Variants in SCRG1 observed in about 807,000 individuals in gnomAD.
SCRG1 encodes the protein stimulator of chondrogenesis 1, also known as scrapie-responsive protein 1.
A neutral mutation model predicts 7.7 loss-of-function variants in SCRG1; 3 were observed. The ratio of observed to expected loss-of-function variants is 0.39; its 90% CI spans 0.18 to 1.01. The LOEUF is 1.01. SCRG1 is among the 50% of genes least tolerant of loss of function. The pLI, the probability that SCRG1 is intolerant of heterozygous loss-of-function variation, is 0.36. For missense variants in SCRG1, 110 were observed against 117.2 expected (o/e 0.94, Z 0.28); for synonymous variants, 46 against 41.2 (o/e 1.12, Z -0.44).
the SCRG1 span, among the ~76,000 whole-genome samples, chr4:173,443,384 G>A: frequency 1.3e-5 from 2 of 152,012 alleles, no homozygotes; most frequent in Admixed American, 6.5e-5. Context: ...GGGAAAACAG[G>A]GCCTGTAATA....
chr4:173,408,062 A>G (rs1157277271), upstream of SCRG1, among the ~76,000 whole-genome samples: 1 of 152,248 alleles, frequency 6.6e-6, no homozygotes, highest in East Asian at 1.9e-4. Flanking sequence ...ATGTGTATAC[A>G]TATCAGATAG....
the SCRG1 span, among the ~76,000 whole-genome samples, chr4:173,429,109 T>C: frequency 6.6e-6 from 1 of 152,120 alleles, no homozygotes; most frequent in Admixed American, 6.6e-5. Flanking sequence ...CAAAGAAAAA[T>C]AGAAAATGGA....
chr4:173,475,106 C>T, the SCRG1 span, among the ~76,000 whole-genome samples: 1 of 152,094 alleles, frequency 6.6e-6, no homozygotes, highest in African/African-American at 2.4e-5. Flanking sequence ...ACTATATCAT[C>T]TTCTGCTTAT....
chr4:173,482,183 G>A, the SCRG1 span, among the ~76,000 whole-genome samples: 1 of 152,268 alleles, frequency 6.6e-6, no homozygotes, highest in East Asian at 1.9e-4. Flanking sequence ...TATAAAACCT[G>A]AATGATATAG....
intron 2 of SCRG1, 75 bp downstream of exon 2, chr4:173,391,098 C>T: frequency 2.0e-6 from 3 of 1,502,034 alleles, no homozygotes; most frequent in South Asian, 2.3e-5. Context: ...TTCAGCAAAC[C>T]TATTATGAAG....
chr4:173,484,268 T>G, the SCRG1 span, among the ~76,000 whole-genome samples: 1 of 75,430 alleles, frequency 1.3e-5, no homozygotes, highest in East Asian at 4.0e-4. Flanking sequence ...TAATATATAT[T>G]TTATATATCA....
chr4:173,518,654 C>T, the SCRG1 span, among the ~76,000 whole-genome samples: 1 of 152,192 alleles, frequency 6.6e-6, no homozygotes, highest in African/African-American at 2.4e-5. Flanking sequence ...CCTGCTGCAT[C>T]TGGGACCCGC....
the SCRG1 span, among the ~76,000 whole-genome samples, chr4:173,497,727 G>C: frequency 7.0e-6 from 1 of 143,766 alleles, no homozygotes. Context: ...CTGGAGTGCA[G>C]TGGCACTGTG....
At chr4:173,491,199 TTC>T in the SCRG1 span, among the ~76,000 whole-genome samples, 1,370 of 145,898 alleles carry the variant, frequency 9.4e-3, 40 homozygotes, top group East Asian at 0.048. Flanking sequence ...TAATACAGAA[TTC>T]TCTCTCTCTC....
At chr4:173,484,537 T>TTA in the SCRG1 span, among the ~76,000 whole-genome samples, 1 of 83,092 alleles carries the variant, frequency 1.2e-5, no homozygotes, top group African/African-American at 4.9e-5. Flanking sequence ...ATATTATATA[T>TTA]TATGTATATT....
the SCRG1 span, among the ~76,000 whole-genome samples, chr4:173,431,274 G>C: frequency 6.6e-6 from 1 of 152,210 alleles, no homozygotes. Flanking sequence ...GAGCATGGGA[G>C]TGGGCAGGGC....
chr4:173,419,615 T>C, the SCRG1 span: 3 of 727,528 alleles, frequency 4.1e-6, no homozygotes, highest in East Asian at 4.9e-5. Context: ...TTTGGTACTG[T>C]GAGGGATAGA....
chr4:173,470,160 G>A, the SCRG1 span: 1 of 142,858 alleles, frequency 7.0e-6, no homozygotes, highest in Admixed American at 7.2e-5. Flanking sequence ...TGGTGGTCGG[G>A]ATGTGTTGTT....
the SCRG1 span, among the ~76,000 whole-genome samples, chr4:173,422,317 A>C: frequency 2.6e-5 from 4 of 152,228 alleles, no homozygotes; most frequent in Non-Finnish European, 4.4e-5. Context: ...AATATAACTT[A>C]TGATCATGAG....
chr4:173,434,708 G>A, the SCRG1 span, among the ~76,000 whole-genome samples: 16 of 152,276 alleles, frequency 1.1e-4, no homozygotes, highest in African/African-American at 3.6e-4. Flanking sequence ...GGTGACGCCT[G>A]TAATTCCAGC....
At chr4:173,433,775 G>A in the SCRG1 span, among the ~76,000 whole-genome samples, 5 of 152,138 alleles carry the variant, frequency 3.3e-5, no homozygotes, top group South Asian at 8.3e-4. Flanking sequence ...ACTCCAGCTA[G>A]TGCCTCTGTC....
chr4:173,408,916 C>G (rs1196800041), upstream of SCRG1, among the ~76,000 whole-genome samples: 3 of 150,486 alleles, frequency 2.0e-5, no homozygotes, highest in African/African-American at 7.4e-5. Flanking sequence ...TGGCGTGAAC[C>G]CGGAGGCAGA....
At chr4:173,504,623 AT>A in the SCRG1 span, among the ~76,000 whole-genome samples, 1 of 152,150 alleles carries the variant, frequency 6.6e-6, no homozygotes, top group Non-Finnish European at 1.5e-5. The surrounding 1 kb of genome is among the most constrained non-coding windows in gnomAD (Gnocchi z 4.7). Context: ...GTGCACAATT[AT>A]TTTTATTCTC....
At chr4:173,484,951 A>AAT in the SCRG1 span, among the ~76,000 whole-genome samples, 1 of 38,504 alleles carries the variant, frequency 2.6e-5, no homozygotes, top group African/African-American at 1.0e-4. Context: ...TATTATATAT[A>AAT]ATATTATATA....
Sources: gnomAD v4.1 joint callset for allele counts (sites outside exome capture counted in the v4.1 genomes callset) on GRCh38, gnomAD v4.1.1 for gene constraint, Gnocchi (gnomAD v3.1) non-coding constraint, MANE v1.5 for transcripts, NCBI Gene and HGNC (gene_info 2026-07-23, HGNC 2026-07-21) for gene names.